The following CCDC85C variants were observed in gnomAD, a reference collection of about 807,000 sequenced individuals.
The protein encoded by CCDC85C is coiled-coil domain-containing protein 85C.
Under a neutral mutation model 38.3 loss-of-function variants are expected in CCDC85C, and 18 were observed. The observed-to-expected ratio is 0.47, with a 90% CI of 0.33 to 0.70. CCDC85C has a LOEUF of 0.70. CCDC85C is among the 30% of genes least tolerant of loss of function. The pLI, the probability that CCDC85C is intolerant of heterozygous loss-of-function variation, is 0.03. For synonymous variants in CCDC85C, 264 were observed against 293.8 expected (o/e 0.90, Z 1.04); for missense variants, 566 against 621.2 (o/e 0.91, Z 0.94).
At position 99,569,126 on chromosome 14, in the gene CCDC85C, G is replaced by A. The variant is rs947567105; in HGVS notation, c.794-33038C>T. 6.6e-6 allele frequency among the ~76,000 whole-genome samples: 1 copy of A among 152,154 alleles called. No individual in the cohort carries two copies. Among genetic ancestry groups the A allele is most frequent in the African/African-American group, 2.4e-5 (1 of 41,432 alleles). ...GTGTCCTCACTGTCTGCCAAGCCCC[G>A]TCCCCAGACCTAGCCACAGCAATAT... On this transcript the variant is annotated intron_variant, in intron 1 of 5. Transcript: ENST00000380243. This position sits in a 1 kb window ranked among gnomAD's most constrained non-coding sequence, Gnocchi z 4.3.
chr14:99,578,561 T>C (rs539737678), intron 1 of CCDC85C, among the ~76,000 whole-genome samples: 26 of 152,308 alleles, frequency 1.7e-4, no homozygotes, highest in African/African-American at 6.3e-4. Context: ...ACATGGCCTG[T>C]ACCTATGTCC....
In CCDC85C at chr14:99,579,871, G is replaced by A. The variant is rs947378402; in HGVS notation, c.793+23296C>T. 2.5e-5 allele frequency: 8 copies of A among 322,128 alleles called. No homozygotes were observed. The East Asian group carries it at 4.1e-4, about 16-fold the overall frequency. The allele number at this position is 322,128 out of a possible 1,614,324, so 20.0% of individuals were successfully genotyped here. On this transcript the variant is annotated intron_variant, in intron 1 of 5. Transcript: ENST00000380243. ...ACTGAGACACACACGGTTGTTGGTC[G>A]TTAGGCTGTCTACCAGAGGTCGCCC... is the stretch of plus-strand genomic sequence containing the variant.
intron 1 of CCDC85C, among the ~76,000 whole-genome samples, chr14:99,571,433 G>A (rs941563): frequency 0.57 from 86,791 of 152,008 alleles, 24,860 homozygotes; most frequent in African/African-American, 0.62. Flanking sequence ...CCTTTTGGGC[G>A]TGCAGGTGCC....
At chr14:99,541,659 C>G (rs1239134051) in intron 1 of CCDC85C, among the ~76,000 whole-genome samples, 1 of 152,154 alleles carries the variant, frequency 6.6e-6, no homozygotes, top group African/African-American at 2.4e-5. Context: ...CCCAGCACTG[C>G]CCAAGAGGAG....
chr14:99,573,430 G>A (rs570920072), intron 1 of CCDC85C, among the ~76,000 whole-genome samples: 2 of 152,318 alleles, frequency 1.3e-5, no homozygotes, highest in South Asian at 4.1e-4. Flanking sequence ...ATGGAAGCAG[G>A]GAACCCTCAG....
intron 2 of CCDC85C, chr14:99,534,945 CA>C (rs529094705): frequency 5.9e-5 from 33 of 560,702 alleles, no homozygotes; most frequent in Middle Eastern, 4.9e-4. Context: ...GGAGAGTTCA[CA>C]AGAGGCCAAA....
rs930439635 is a variant in CCDC85C, at chr14:99,603,274, G to T, written c.686C>A (p.Pro229His). The T allele has an allele frequency of 1.4e-6, 2 of 1,382,400 alleles. No homozygotes were observed. The highest frequency in any genetic ancestry group is 1.9e-6 in the Non-Finnish European group (2 of 1,073,632). The allele number at this position is 1,382,400 out of a possible 1,614,324, so 85.6% of individuals were successfully genotyped here. A position where few individuals can be genotyped will look rare whatever the true frequency, so the allele number is the denominator to read the frequency against. ...GTCGGGGGCCTTGTGCGGCCCGGGG[G>T]GCAGCAGCGGGGGTGGGACGTGGTG... ...HHHHVPPPLL[P>H]PGPHKAPDGK... The change falls in exon 1 of 6, where the codon CCC (proline) becomes CAC (histidine). Residue 229 changes from proline to histidine, a missense_variant. Physicochemically the swap from Pro to His is moderately conservative, Grantham distance 77 (BLOSUM62 -2). This residue lies in a region of CCDC85C where 286 missense variants were observed against 276.4 expected (regional missense o/e 1.03). Transcript: ENST00000380243. The surrounding 1 kb of genome is among the most constrained non-coding windows in gnomAD (Gnocchi z 7.5).
chr14:99,535,147 G>A lies in CCDC85C; in HGVS notation c.867+868C>T, dbSNP rs1897569028. On this transcript the variant is annotated intron_variant, in intron 2 of 5. Transcript: ENST00000380243. This position sits in a 1 kb window ranked among gnomAD's most constrained non-coding sequence, Gnocchi z 5.5. ...GAGCTGGGCAGTCGGCACCAAGCCTGGCTGGTCACCTAGCAACAGGGCCAG... is the reference window on the plus strand; with the variant it reads ...GAGCTGGGCAGTCGGCACCAAGCCTAGCTGGTCACCTAGCAACAGGGCCAG... The A allele has an allele frequency of 5.6e-6, 1 of 178,560 alleles. No homozygotes were observed. The highest frequency in any genetic ancestry group is 5.8e-5 in the Admixed American group (1 of 17,226). 11.1% of individuals were successfully genotyped at this position (178,560 alleles called of 1,614,324 possible). A position where few individuals can be genotyped will look rare whatever the true frequency, so the allele number is the denominator to read the frequency against.
At position 99,564,094 on chromosome 14, in the gene CCDC85C, G is replaced by A. The variant is rs541692303; in HGVS notation, c.794-28006C>T. Among the ~76,000 whole-genome samples, 115 of 152,356 alleles carry A rather than the reference G, an allele frequency of 7.5e-4. 2 individuals are homozygous for A. Among genetic ancestry groups the A allele is most frequent in the Middle Eastern group, 6.8e-3 (2 of 294 alleles). On this transcript the variant is annotated intron_variant, in intron 1 of 5. Transcript: ENST00000380243. The stretch of plus-strand genomic sequence containing the variant: ...GGGGACTTGCCTTTGCAATTGTCTA[G>A]AAATGACCAGATTACGCTCCATAGA...
Position 99,500,560 on chromosome 14 carries a change from T to C in CCDC85C, c.*14686A>G, listed in dbSNP as rs1025450618. ...AGTATTTTTTTTTACATTACACCTC[T>C]GCTTTGTCTTCCTGTTTGAGATCTT... is the stretch of plus-strand genomic sequence containing the variant. On this transcript the variant is annotated 3_prime_UTR_variant, in exon 6 of 6. Transcript: ENST00000380243. 1.9e-6 allele frequency: 1 copy of C among 539,444 alleles called. No individual in the cohort carries two copies. Among genetic ancestry groups the C allele is most frequent in the African/African-American group, 2.0e-5 (1 of 50,238 alleles). 33.4% of individuals were successfully genotyped at this position (539,444 alleles called of 1,614,324 possible). A position where few individuals can be genotyped will look rare whatever the true frequency, so the allele number is the denominator to read the frequency against.
chr14:99,506,827 C>T lies in CCDC85C; in HGVS notation c.*8419G>A, dbSNP rs1896987612. ...TTGAGTGAAGTGGTCAGCAAGGAAA[C>T]TTAGGTAGACATGGAAAATGGGCTG... On this transcript the variant is annotated 3_prime_UTR_variant, in exon 6 of 6. Coordinates refer to ENST00000380243, the MANE Select transcript of CCDC85C (RefSeq NM_001144995.2). 1 of 471,082 alleles carries T rather than the reference C, an allele frequency of 2.1e-6. No homozygotes were observed. Among genetic ancestry groups the T allele is most frequent in the Non-Finnish European group, 3.9e-6 (1 of 255,836 alleles). The allele number at this position is 471,082 out of a possible 1,614,324, so 29.2% of individuals were successfully genotyped here.
At chr14:99,554,915 C>G (rs1011839414) in intron 1 of CCDC85C, among the ~76,000 whole-genome samples, 2 of 152,242 alleles carry the variant, frequency 1.3e-5, no homozygotes, top group Non-Finnish European at 2.9e-5. Context: ...CTTCCAAGGA[C>G]CCTTCTGGCA....
chr14:99,527,531 C>T (rs995231281), intron 2 of CCDC85C, among the ~76,000 whole-genome samples: 4 of 152,172 alleles, frequency 2.6e-5, no homozygotes, highest in Non-Finnish European at 4.4e-5. Flanking sequence ...CCTGGCTCCA[C>T]GGGTCTCGAG....
chr14:99,548,544 C>A lies in CCDC85C; in HGVS notation c.794-12456G>T, dbSNP rs1176837440. On this transcript the variant is annotated intron_variant, in intron 1 of 5. Transcript: ENST00000380243. The surrounding 1 kb of genome is among the most constrained non-coding windows in gnomAD (Gnocchi z 4.9). ...AGCGCCCAACGAGACAGGCACAAGACCGTGTCTGCCAACACCAGCTGTACT... is the reference window on the plus strand; with the variant it reads ...AGCGCCCAACGAGACAGGCACAAGAACGTGTCTGCCAACACCAGCTGTACT... Among the ~76,000 whole-genome samples the A allele has an allele frequency of 6.6e-6, 1 of 151,938 alleles. No individual in the cohort carries two copies. The highest frequency in any genetic ancestry group is 1.5e-5 in the Non-Finnish European group (1 of 68,002).
At chr14:99,556,388 T>A (rs1024623216) in intron 1 of CCDC85C, among the ~76,000 whole-genome samples, 3 of 152,232 alleles carry the variant, frequency 2.0e-5, no homozygotes, top group Non-Finnish European at 4.4e-5. Context: ...CACTCCAGCC[T>A]GAGTCACAGA....
chr14:99,555,522 GATA>G (rs1025744465), intron 1 of CCDC85C, among the ~76,000 whole-genome samples: 14 of 152,172 alleles, frequency 9.2e-5, no homozygotes, highest in African/African-American at 3.1e-4. Flanking sequence ...TGGCAATAAT[GATA>G]ATAAGAGCCA....
At chr14:99,546,171 T>C (rs1047771182) in intron 1 of CCDC85C, among the ~76,000 whole-genome samples, 16 of 152,020 alleles carry the variant, frequency 1.1e-4, no homozygotes, top group Admixed American at 1.0e-3. Flanking sequence ...GGGGGCTGCT[T>C]TCATCACTAG....
At chr14:99,521,234 G>A (rs1897299232) in intron 3 of CCDC85C, among the ~76,000 whole-genome samples, 2 of 152,232 alleles carry the variant, frequency 1.3e-5, no homozygotes, top group Admixed American at 1.3e-4. Context: ...GTTCAGCCAC[G>A]GGACTCCGGA....
rs1459607502 is a variant in CCDC85C, at chr14:99,506,375, A to G, written c.*8871T>C. On this transcript the variant is annotated 3_prime_UTR_variant, in exon 6 of 6. Coordinates refer to ENST00000380243, the MANE Select transcript of CCDC85C (RefSeq NM_001144995.2). ...TGCACGCTGCCTTCTTAAACGGATG[A>G]GATTGGACTTCCCTTGGGCTGCCTT... 1 of 152,380 alleles carries G rather than the reference A, an allele frequency of 6.6e-6. No individual in the cohort carries two copies. Among genetic ancestry groups the G allele is most frequent in the Non-Finnish European group, 1.5e-5 (1 of 68,166 alleles). 9.4% of individuals were successfully genotyped at this position (152,380 alleles called of 1,614,324 possible).
Sources: allele counts gnomAD v4.1 joint callset (sites outside exome capture counted in the v4.1 genomes callset), GRCh38; gene constraint gnomAD v4.1.1; regional missense constraint gnomAD v4.1.1; non-coding constraint Gnocchi (gnomAD v3.1); transcripts MANE v1.5; gene names NCBI Gene and HGNC (gene_info 2026-07-23, HGNC 2026-07-21).